The following BCAS3 variants were observed in gnomAD, a reference collection of about 807,000 sequenced individuals.
The protein encoded by BCAS3 is BCAS3 microtubule associated cell migration factor, also known as BCAS4/BCAS3 fusion.
In BCAS3, 53 loss-of-function variants were observed where a neutral mutation model predicts 116.1. The ratio of observed to expected loss-of-function variants is 0.46; its 90% CI spans 0.37 to 0.57. The LOEUF is 0.57. BCAS3 is among the 20% of genes least tolerant of loss of function. The pLI, the probability that BCAS3 is intolerant of heterozygous loss-of-function variation, is 0.00. For synonymous variants in BCAS3, 391 were observed against 408.2 expected (o/e 0.96, Z 0.51); for missense variants, 917 against 1,165.4 (o/e 0.79, Z 3.10).
intron 22 of BCAS3, among the ~76,000 whole-genome samples, chr17:61,176,093 T>C (rs1265492157): frequency 7.0e-6 from 1 of 142,174 alleles, no homozygotes; most frequent in East Asian, 2.0e-4. Flanking sequence ...GAGCCATGAT[T>C]GTGCCCCTGC....
rs1006369344 is a variant in BCAS3 at position 61,227,275 on chromosome 17, C to G, written c.2426-141052C>G. Among the ~76,000 whole-genome samples, 8 of 152,192 alleles carry G rather than the reference C, an allele frequency of 5.3e-5. No individual in the cohort carries two copies. Among genetic ancestry groups the G allele is most frequent in the African/African-American group, 1.9e-4 (8 of 41,446 alleles). On this transcript the variant is annotated intron_variant, in intron 22 of 23. Transcript: ENST00000407086. This position sits in a 1 kb window ranked among gnomAD's most constrained non-coding sequence, Gnocchi z 6.1. ...TCCTCTTCTGAAAAAAATGCAGATACTCATACATATACAATGTCGCATGTG... is the reference window on the plus strand; with the variant it reads ...TCCTCTTCTGAAAAAAATGCAGATAGTCATACATATACAATGTCGCATGTG...
intron 11 of BCAS3, 26 bp from the exon 12 acceptor site, chr17:60,910,506 C>A: frequency 6.5e-7 from 1 of 1,546,706 alleles, no homozygotes; most frequent in Non-Finnish European, 8.7e-7. Flanking sequence ...GATGTGAAGT[C>A]ATACATTTTA....
intron 14 of BCAS3, among the ~76,000 whole-genome samples, chr17:60,954,102 C>T (rs1048033817): frequency 1.3e-5 from 2 of 152,094 alleles, no homozygotes; most frequent in African/African-American, 4.8e-5. Context: ...ACCCGAGAAC[C>T]ATTTATTGAA....
rs1430478836 is a variant in BCAS3 at position 61,151,170 on chromosome 17, CA to C, written c.2425+66610del. ...CAAACATCTGAAATCTGGGATGCTC[CA>C]AAATTCAAAACTTTTTTGAGTGAGT... On this transcript the variant is annotated intron_variant, in intron 22 of 23. Coordinates refer to ENST00000407086, the MANE Select transcript of BCAS3 (RefSeq NM_017679.5). The surrounding 1 kb of genome is among the most constrained non-coding windows in gnomAD (Gnocchi z 4.8). Among the ~76,000 whole-genome samples the C allele has an allele frequency of 1.3e-5, 2 of 152,278 alleles. No individual in the cohort carries two copies. Among genetic ancestry groups the C allele is most frequent in the South Asian group, 4.1e-4 (2 of 4,820 alleles).
chr17:60,790,882 T>C (rs2046711925), intron 6 of BCAS3, among the ~76,000 whole-genome samples: 1 of 151,800 alleles, frequency 6.6e-6, no homozygotes, highest in South Asian at 2.1e-4. Flanking sequence ...TAGCCAGGAT[T>C]ACAGGCGTGC....
chr17:61,335,907 G>A (rs903902242), intron 22 of BCAS3, among the ~76,000 whole-genome samples: 10 of 152,350 alleles, frequency 6.6e-5, no homozygotes, highest in African/African-American at 1.9e-4. Flanking sequence ...AGAGGGTACC[G>A]CCCAGCCTAG....
chr17:60,923,408 G>A (rs1268714292), intron 12 of BCAS3, among the ~76,000 whole-genome samples: 1 of 152,108 alleles, frequency 6.6e-6, no homozygotes, highest in South Asian at 2.1e-4. Context: ...GGCTGTATTT[G>A]CATATATGTT....
At chr17:61,069,036 A>G (rs1312899976) in intron 19 of BCAS3, among the ~76,000 whole-genome samples, 1 of 152,214 alleles carries the variant, frequency 6.6e-6, no homozygotes, top group Non-Finnish European at 1.5e-5. Context: ...TTCTATTTAA[A>G]GAAAAAGCCA....
chr17:60,851,642 T>C, intron 7 of BCAS3: 1 of 715,974 alleles, frequency 1.4e-6, no homozygotes, highest in South Asian at 1.5e-5. Flanking sequence ...GAAAACAGGC[T>C]GAAAGAAACT....
rs897979617 is a variant in BCAS3, at chr17:61,200,970, C to T, written c.2425+116406C>T. The stretch of plus-strand genomic sequence containing the variant: ...TTATTTTTAATTCATACTCAGAAAG[C>T]ACTGTTTACCCATTTACCAGACAGA... On this transcript the variant is annotated intron_variant, in intron 22 of 23. Coordinates refer to ENST00000407086, the MANE Select transcript of BCAS3 (RefSeq NM_017679.5). The surrounding 1 kb of genome is among the most constrained non-coding windows in gnomAD (Gnocchi z 5.1). Among the ~76,000 whole-genome samples, 2 of 151,790 alleles carry T rather than the reference C, an allele frequency of 1.3e-5. No homozygotes were observed. The highest frequency in any genetic ancestry group is 2.9e-5 in the Non-Finnish European group (2 of 67,992).
Position 61,256,506 on chromosome 17 carries a change from G to A in BCAS3, c.2426-111821G>A, listed in dbSNP as rs989603583. On this transcript the variant is annotated intron_variant, in intron 22 of 23. Coordinates refer to ENST00000407086, the MANE Select transcript of BCAS3 (RefSeq NM_017679.5). This position sits in a 1 kb window ranked among gnomAD's most constrained non-coding sequence, Gnocchi z 5.6. ...TTTAGTAGAGACAGGGTTTTGCCAT[G>A]TTTGCCAGGCCGGTCTCAAACTCCT... Among the ~76,000 whole-genome samples the A allele has an allele frequency of 6.6e-6, 1 of 151,954 alleles. No homozygotes were observed. Among genetic ancestry groups the A allele is most frequent in the Non-Finnish European group, 1.5e-5 (1 of 67,982 alleles).
At position 61,286,440 on chromosome 17, in the gene BCAS3, A is replaced by G. The variant is rs1478787053; in HGVS notation, c.2426-81887A>G. On this transcript the variant is annotated intron_variant, in intron 22 of 23. Coordinates refer to ENST00000407086, the MANE Select transcript of BCAS3 (RefSeq NM_017679.5). The surrounding 1 kb of genome is among the most constrained non-coding windows in gnomAD (Gnocchi z 4.8). The stretch of plus-strand genomic sequence containing the variant: ...GGGAGGCTGGTAAATGGCCAGCAGG[A>G]TAGAAATCCGACGTGGTGTTTATGA... Among the ~76,000 whole-genome samples the G allele has an allele frequency of 6.6e-6, 1 of 152,174 alleles. No homozygotes were observed. The highest frequency in any genetic ancestry group is 1.5e-5 in the Non-Finnish European group (1 of 68,040).
At chr17:61,070,382 TATATATATATATATATATC>T (rs774471064) in intron 19 of BCAS3, 2 of 149,486 alleles carry the variant, frequency 1.3e-5, no homozygotes, top group Non-Finnish European at 2.5e-5. Flanking sequence ...TATATATATA[TATATATATATATATATATC>T]TTTTCACCAT....
intron 23 of BCAS3, among the ~76,000 whole-genome samples, chr17:61,372,057 G>A (rs1568963074): frequency 6.6e-6 from 1 of 151,960 alleles, no homozygotes; most frequent in African/African-American, 2.4e-5. Flanking sequence ...CTTTCCATTC[G>A]GCAAACTCCA....
chr17:61,206,676 C>A (rs918657882), intron 22 of BCAS3, among the ~76,000 whole-genome samples: 4 of 151,808 alleles, frequency 2.6e-5, no homozygotes, highest in Admixed American at 1.3e-4. Flanking sequence ...TTGTGCACAC[C>A]TGTAATCTCA....
chr17:60,816,110 G>C (rs1172317157), intron 7 of BCAS3, among the ~76,000 whole-genome samples: 1 of 152,052 alleles, frequency 6.6e-6, no homozygotes, highest in Admixed American at 6.5e-5. Context: ...AGAGGAGTGG[G>C]ATGTCCAGGT....
At chr17:61,194,482 G>A (rs1016314037) in intron 22 of BCAS3, among the ~76,000 whole-genome samples, 1 of 152,040 alleles carries the variant, frequency 6.6e-6, no homozygotes, top group African/African-American at 2.4e-5. Flanking sequence ...GCTCACTCCT[G>A]TAATCTAGCA....
chr17:60,949,884 A>G (rs1232530553), intron 14 of BCAS3, among the ~76,000 whole-genome samples: 1 of 152,214 alleles, frequency 6.6e-6, no homozygotes, highest in East Asian at 1.9e-4. Context: ...CCAACTCTAA[A>G]ATATGGGAAG....
chr17:60,975,476 T>C (rs1469390037), intron 14 of BCAS3, among the ~76,000 whole-genome samples: 1 of 152,252 alleles, frequency 6.6e-6, no homozygotes, highest in Non-Finnish European at 1.5e-5. Flanking sequence ...AAAAAGAGGC[T>C]ATAGAACTTC....
Sources: allele counts gnomAD v4.1 joint callset (sites outside exome capture counted in the v4.1 genomes callset), GRCh38; gene constraint gnomAD v4.1.1; non-coding constraint Gnocchi (gnomAD v3.1); transcripts MANE v1.5; gene names NCBI Gene and HGNC (gene_info 2026-07-23, HGNC 2026-07-21).